Variants in PTK2 observed in about 807,000 individuals in gnomAD.
PTK2 encodes the protein protein tyrosine kinase 2.
Under a neutral mutation model 150.1 loss-of-function variants are expected in PTK2, and 45 were observed. That is an observed-to-expected ratio of 0.30 (90% CI 0.24 to 0.38). The LOEUF (loss-of-function observed/expected upper bound fraction) is 0.38. PTK2 is among the 10% of genes least tolerant of loss of function. PTK2 has a pLI of 1.00. For synonymous variants in PTK2, 432 were observed against 449.2 expected (o/e 0.96, Z 0.48); for missense variants, 919 against 1,307.3 (o/e 0.70, Z 4.58).
chr8:140,830,092 C>T (rs1210307144), intron 8 of PTK2, among the ~76,000 whole-genome samples: 1 of 150,680 alleles, frequency 6.6e-6, no homozygotes, highest in Non-Finnish European at 1.5e-5. Context: ...CATACACACA[C>T]ACACACACAC....
intron 29 of PTK2, chr8:140,672,096 A>T: frequency 2.2e-6 from 1 of 444,952 alleles, no homozygotes; most frequent in South Asian, 1.6e-5. Context: ...GGTGGTACCG[A>T]TCTACCTGTA....
rs567461817 is a variant in PTK2, at chr8:140,995,686, G to C, written c.-122+5439C>G. 3.3e-5 allele frequency among the ~76,000 whole-genome samples: 5 copies of C among 152,000 alleles called. No individual in the cohort carries two copies. The South Asian group carries it at 1.0e-3, about 32-fold the overall frequency. On this transcript the variant is annotated intron_variant, in intron 1 of 31. Coordinates refer to ENST00000522684, the Ensembl canonical transcript of PTK2. ...TAGCTGGCCATGGTGGTGCATGCCT[G>C]TAGTCCCAGCTACTCAGGAGGCAGA...
intron 24 of PTK2, among the ~76,000 whole-genome samples, chr8:140,703,961 T>C (rs547836123): frequency 6.6e-6 from 1 of 152,330 alleles, no homozygotes; most frequent in South Asian, 2.1e-4. Context: ...TGTGCATTTA[T>C]TAGGTCTCTA....
chr8:140,893,055 T>C (rs1224726856), intron 2 of PTK2, among the ~76,000 whole-genome samples: 2 of 152,226 alleles, frequency 1.3e-5, no homozygotes, highest in African/African-American at 2.4e-5. Context: ...TGGCTGGGCA[T>C]AGTGGCTCAT....
chr8:140,755,725 C>CA (rs538881203), intron 16 of PTK2, among the ~76,000 whole-genome samples: 127 of 152,190 alleles, frequency 8.3e-4, no homozygotes, highest in African/African-American at 2.9e-3. Context: ...TATATCCCCC[C>CA]ACCACCTAGA....
At chr8:140,869,583 T>C (rs1001262813) in intron 4 of PTK2, among the ~76,000 whole-genome samples, 2 of 150,244 alleles carry the variant, frequency 1.3e-5, no homozygotes, top group Non-Finnish European at 2.9e-5. Context: ...TAAAACCTTT[T>C]TTTTTTAAGC....
At chr8:140,790,636 G>A (rs999527423) in intron 13 of PTK2, among the ~76,000 whole-genome samples, 1 of 152,126 alleles carries the variant, frequency 6.6e-6, no homozygotes, top group Non-Finnish European at 1.5e-5. Flanking sequence ...ACATCGTTTC[G>A]AAGCACTACA....
At chr8:140,780,050 T>C (rs2100080793) in intron 14 of PTK2, among the ~76,000 whole-genome samples, 1 of 152,156 alleles carries the variant, frequency 6.6e-6, no homozygotes, top group African/African-American at 2.4e-5. Context: ...CAAGGTATAA[T>C]TTACTATTTT....
At chr8:140,935,691 T>C in intron 1 of PTK2, among the ~76,000 whole-genome samples, 1 of 123,574 alleles carries the variant, frequency 8.1e-6, no homozygotes, top group Non-Finnish European at 1.7e-5. Flanking sequence ...CAATGCTCAG[T>C]ATGTCCTCAT....
In PTK2 at chr8:140,827,798, T is replaced by C. The variant is rs560002907; in HGVS notation, c.648+2674A>G. On this transcript the variant is annotated intron_variant, in intron 8 of 31. Coordinates refer to ENST00000522684, the Ensembl canonical transcript of PTK2. The stretch of plus-strand genomic sequence containing the variant: ...TGTAGAGTGGAGACAGCAACAGATA[T>C]TGTCTTTGCCCTCAACAATCTTAAA... Among the ~76,000 whole-genome samples the C allele has an allele frequency of 4.9e-4, 75 of 152,158 alleles. 1 individual carries two copies. The highest frequency in any genetic ancestry group is 1.7e-3 in the African/African-American group (71 of 41,514).
At chr8:140,689,632 A>C (rs934633547) in intron 26 of PTK2, among the ~76,000 whole-genome samples, 10 of 152,246 alleles carry the variant, frequency 6.6e-5, no homozygotes, top group Admixed American at 5.2e-4. Flanking sequence ...ACATTGAACT[A>C]TTTAAGAGTT....
intron 14 of PTK2, among the ~76,000 whole-genome samples, chr8:140,776,451 T>A (rs1332354835): frequency 6.6e-6 from 1 of 152,218 alleles, no homozygotes; most frequent in African/African-American, 2.4e-5. Flanking sequence ...CTAAATATAT[T>A]CCCAGTGTAA....
intron 3 of PTK2, among the ~76,000 whole-genome samples, chr8:140,880,183 G>C (rs1016365999): frequency 6.6e-5 from 10 of 152,130 alleles, no homozygotes; most frequent in Admixed American, 5.9e-4. Context: ...CTTTGAATTC[G>C]GGCCTAATCA....
intron 30 of PTK2, among the ~76,000 whole-genome samples, chr8:140,667,641 A>G (rs960486413): frequency 6.6e-6 from 1 of 152,186 alleles, no homozygotes. Context: ...ACTGCCTGCT[A>G]GGATCCCACT....
At chr8:140,926,048 G>A (rs1258136149) in intron 1 of PTK2, among the ~76,000 whole-genome samples, 2 of 152,116 alleles carry the variant, frequency 1.3e-5, no homozygotes, top group South Asian at 2.1e-4. Context: ...TGAAGAAATC[G>A]AAGCACAGAG....
chr8:140,925,685 C>G, exon 2 of PTK2: 1 of 985,198 alleles, frequency 1.0e-6, no homozygotes, highest in Non-Finnish European at 1.2e-6. Flanking sequence ...TCTTGAGGAG[C>G]TCTGGGGAAA....
chr8:140,764,479 T>C lies in PTK2; in HGVS notation c.1178-189A>G, dbSNP rs569498404. On this transcript the variant is annotated intron_variant, in intron 14 of 31. Coordinates refer to ENST00000522684, the Ensembl canonical transcript of PTK2. The stretch of plus-strand genomic sequence containing the variant: ...AAATAAAAGTGACATCATTGTCCAA[T>C]ACGTTATAATACACAGACTTGTTTA... The C allele has an allele frequency of 6.9e-6, 4 of 578,948 alleles. No individual in the cohort carries two copies. In the East Asian group the frequency reaches 8.3e-5, roughly 12 times the overall value. 35.9% of individuals were successfully genotyped at this position (578,948 alleles called of 1,614,324 possible).
chr8:140,673,638 G>A (rs541704191), intron 29 of PTK2, among the ~76,000 whole-genome samples: 1 of 152,266 alleles, frequency 6.6e-6, no homozygotes, highest in South Asian at 2.1e-4. Context: ...AGATCTCTCA[G>A]GGAGGAGGGC....
rs150194772 is a variant in PTK2 at position 140,922,722 on chromosome 8, C to T, written c.-33+2939G>A. The stretch of plus-strand genomic sequence containing the variant: ...ACAACTAATTTTCACATCTTTTAAA[C>T]AAACTTGGTATTACAATTCTTTTAA... On this transcript the variant is annotated intron_variant, in intron 2 of 31. Coordinates refer to ENST00000522684, the Ensembl canonical transcript of PTK2. 1.2e-4 allele frequency among the ~76,000 whole-genome samples: 18 copies of T among 152,274 alleles called. No homozygotes were observed. In the East Asian group the frequency reaches 3.3e-3, roughly 28 times the overall value.
Sources: allele counts gnomAD v4.1 joint callset (sites outside exome capture counted in the v4.1 genomes callset), GRCh38; gene constraint gnomAD v4.1.1; transcripts MANE v1.5; gene names NCBI Gene and HGNC (gene_info 2026-07-23, HGNC 2026-07-21).